CCNJL: variants seen among roughly 807,000 people sequenced by gnomAD.
CCNJL encodes the protein cyclin J like.
Under a neutral mutation model 33.4 loss-of-function variants are expected in CCNJL, and 33 were observed. The ratio of observed to expected loss-of-function variants is 0.99; its 90% CI spans 0.75 to 1.32. CCNJL has a LOEUF of 1.32. CCNJL is among the 40% of genes most tolerant of loss of function. The pLI, the probability that CCNJL is intolerant of heterozygous loss-of-function variation, is 0.00. For missense variants in CCNJL, 512 were observed against 499.7 expected, an observed-to-expected ratio of 1.02 and a Z score of -0.23; for synonymous variants, 227 against 220.9, an observed-to-expected ratio of 1.03 and a Z score of -0.24.
In CCNJL at chr5:160,253,189, C is replaced by A; in HGVS notation, c.*189G>T. On this transcript the variant is annotated 3_prime_UTR_variant, in exon 6 of 6. Coordinates refer to ENST00000257536, the MANE Select transcript of CCNJL (RefSeq NM_001308173.3). ...GTGGCAGACGTTTCTCAGAGGAATGCTCTCGGGTGAGGTATGTTATTGAAT... is the reference window on the plus strand; with the variant it reads ...GTGGCAGACGTTTCTCAGAGGAATGATCTCGGGTGAGGTATGTTATTGAAT... The A allele has an allele frequency of 2.0e-6, 1 of 511,962 alleles. No homozygotes were observed. The highest frequency in any genetic ancestry group is 3.3e-6 in the Non-Finnish European group (1 of 299,760). The allele number at this position is 511,962 out of a possible 1,614,324, so 31.7% of individuals were successfully genotyped here.
chr5:160,333,648 C>T (rs1763637988), intron 1 of CCNJL, among the ~76,000 whole-genome samples: 1 of 151,854 alleles, frequency 6.6e-6, no homozygotes, highest in African/African-American at 2.4e-5. Flanking sequence ...CAAGCTTCCA[C>T]TATAATCCCC....
chr5:160,253,728 G>T lies in CCNJL; in HGVS notation c.814C>A (p.Pro272Thr), dbSNP rs568430292. ...AACAGCACTTGAGTGGGGGTGGGGG[G>T]TGTGCCGGGCACCATTGCCAAGGCC... is the stretch of plus-strand genomic sequence containing the variant. ...SQALAMVPGT[P>T]PTPTQVLFQP... The change falls in exon 6 of 6, where the codon CCC (proline) becomes ACC (threonine). Residue 272 changes from proline (P) to threonine (T), a missense_variant. Pro to Thr is a conservative substitution (Grantham distance 38). Coordinates refer to ENST00000257536, the MANE Select transcript of CCNJL (RefSeq NM_001308173.3). 1.9e-6 allele frequency: 3 copies of T among 1,579,620 alleles called. No homozygotes were observed. Among genetic ancestry groups the T allele is most frequent in the African/African-American group, 1.3e-5 (1 of 74,518 alleles).
chr5:160,258,363 AAT>A, intron 4 of CCNJL: 1 of 770,790 alleles, frequency 1.3e-6, no homozygotes, highest in South Asian at 1.4e-5. Flanking sequence ...AAGATGATAC[AAT>A]ATATGAGAAT....
In CCNJL at chr5:160,280,546, C is replaced by A. The variant is rs368002668; in HGVS notation, c.259G>T (p.Val87Phe). The change falls in exon 3 of 6, where the codon GTC becomes TTC. Residue 87 changes from valine to phenylalanine, a missense_variant. Coordinates refer to ENST00000257536, the MANE Select transcript of CCNJL (RefSeq NM_001308173.3). ...TTSKQLYTVA[V>F]SCLLLASKFE... Reference sequence around the variant, plus strand: ...TTACTTGCAAGCAGGAGGCAGGAGACGGCCACGGTGTAGAGCTGCTTGGAG... The same window carrying A: ...TTACTTGCAAGCAGGAGGCAGGAGAAGGCCACGGTGTAGAGCTGCTTGGAG... The A allele has an allele frequency of 6.2e-7, 1 of 1,612,842 alleles. No homozygotes were observed. The highest frequency in any genetic ancestry group is 1.7e-5 in the Admixed American group (1 of 60,020).
At chr5:160,308,683 G>C (rs563450883) in intron 2 of CCNJL, among the ~76,000 whole-genome samples, 1 of 152,218 alleles carries the variant, frequency 6.6e-6, no homozygotes, top group Non-Finnish European at 1.5e-5. Context: ...GTGTGAACCC[G>C]GGAGGCGGAG....
At chr5:160,296,295 G>A (rs1017625069) in intron 2 of CCNJL, among the ~76,000 whole-genome samples, 1 of 152,180 alleles carries the variant, frequency 6.6e-6, no homozygotes, top group African/African-American at 2.4e-5. Context: ...CACTTACAGG[G>A]CAGAGGGAGT....
At chr5:160,274,448 G>A (rs2113321420) in intron 3 of CCNJL, among the ~76,000 whole-genome samples, 1 of 151,944 alleles carries the variant, frequency 6.6e-6, no homozygotes, top group South Asian at 2.1e-4. Flanking sequence ...GACAGAGTGA[G>A]ACCTCGTCTC....
At chr5:160,263,522 C>G (rs1761438423) in intron 3 of CCNJL, among the ~76,000 whole-genome samples, 1 of 152,212 alleles carries the variant, frequency 6.6e-6, no homozygotes, top group African/African-American at 2.4e-5. Context: ...GCTCCACATT[C>G]TGGATCTGCC....
chr5:160,338,916 G>A (rs7714171), intron 1 of CCNJL, among the ~76,000 whole-genome samples: 1 of 151,972 alleles, frequency 6.6e-6, no homozygotes, highest in South Asian at 2.1e-4. Flanking sequence ...TCAGCCTCCT[G>A]AGCAGCTGGG....
At chr5:160,296,184 TTTC>T (rs1315885013) in intron 2 of CCNJL, among the ~76,000 whole-genome samples, 1 of 152,190 alleles carries the variant, frequency 6.6e-6, no homozygotes, top group Admixed American at 6.5e-5. Context: ...ACTCATCCTT[TTTC>T]TTTCTGAAGC....
intron 1 of CCNJL, among the ~76,000 whole-genome samples, chr5:160,323,874 A>G (rs1330973325): frequency 1.3e-5 from 2 of 152,214 alleles, no homozygotes; most frequent in Non-Finnish European, 2.9e-5. Context: ...GAGTTGGGAC[A>G]TTGATTTTTC....
chr5:160,300,532 T>A (rs370357439), intron 2 of CCNJL, among the ~76,000 whole-genome samples: 3 of 152,320 alleles, frequency 2.0e-5, no homozygotes, highest in East Asian at 1.9e-4. Context: ...TTATGAGATT[T>A]TTTTGTGATT....
chr5:160,304,590 G>A (rs1763031850), intron 2 of CCNJL, among the ~76,000 whole-genome samples: 1 of 152,152 alleles, frequency 6.6e-6, no homozygotes, highest in South Asian at 2.1e-4. Flanking sequence ...AGCTTGAAAG[G>A]CCTGAATGAC....
At chr5:160,265,867 A>G (rs1241463391) in intron 3 of CCNJL, among the ~76,000 whole-genome samples, 1 of 150,446 alleles carries the variant, frequency 6.6e-6, no homozygotes, top group East Asian at 2.0e-4. Flanking sequence ...GGAAAAAAAA[A>G]AAAAAAAAAG....
chr5:160,309,934 A>C (rs1763209530), intron 2 of CCNJL, among the ~76,000 whole-genome samples: 1 of 152,210 alleles, frequency 6.6e-6, no homozygotes, highest in South Asian at 2.1e-4. Flanking sequence ...ATACGGCACT[A>C]TGACATGGCT....
chr5:160,255,612 T>A lies in CCNJL; in HGVS notation c.680A>T (p.Asp227Val), dbSNP rs756860204. Residue 227 changes from aspartate (D) to valine (V), a missense_variant, in exon 5 of 6, where the codon GAC becomes GTC. Asp to Val is a radical substitution (Grantham distance 152). Transcript: ENST00000257536. ...GGAATAGCTTGAGATCCTCTGCAGGTCTCTGGTCCAGTAGGGAGAAAGCTG... is the reference window on the plus strand; with the variant it reads ...GGAATAGCTTGAGATCCTCTGCAGGACTCTGGTCCAGTAGGGAGAAAGCTG... ...CLQLSPYWTR[D>V]LQRISSYSLE... The A allele has an allele frequency of 6.2e-7, 1 of 1,614,092 alleles. No homozygotes were observed. Among genetic ancestry groups the A allele is most frequent in the East Asian group, 2.2e-5 (1 of 44,870 alleles).
chr5:160,314,886 A>G (rs2113467175), upstream of CCNJL, among the ~76,000 whole-genome samples: 1 of 152,288 alleles, frequency 6.6e-6, no homozygotes, highest in East Asian at 1.9e-4. Flanking sequence ...CTTTTTTGTT[A>G]AGGAATTTTG....
intron 1 of CCNJL, 52 bp downstream of exon 1, chr5:160,312,312 C>T (rs533947551): frequency 3.4e-6 from 1 of 297,090 alleles, no homozygotes; most frequent in East Asian, 9.0e-5. Flanking sequence ...CCCCCGCCGC[C>T]CAGCCTTTGT....
At chr5:160,337,944 C>A (rs143303075) in intron 1 of CCNJL, among the ~76,000 whole-genome samples, 1 of 152,174 alleles carries the variant, frequency 6.6e-6, no homozygotes, top group Admixed American at 6.5e-5. Context: ...AATTTTGGGA[C>A]TTTCAGGGCT....
Sources: gnomAD v4.1 joint callset for allele counts (sites outside exome capture counted in the v4.1 genomes callset) on GRCh38, gnomAD v4.1.1 for gene constraint, MANE v1.5 for transcripts, NCBI Gene and HGNC (gene_info 2026-07-23, HGNC 2026-07-21) for gene names.